BACH2: variants seen among roughly 807,000 people sequenced by gnomAD.
BACH2 encodes transcription regulator protein BACH2.
In BACH2, 5 loss-of-function variants were observed where a neutral mutation model predicts 61.8. The ratio of observed to expected loss-of-function variants is 0.08; its 90% confidence interval spans 0.04 to 0.17. The LOEUF is 0.17. Ranked by LOEUF, BACH2 falls within the 10% of genes least tolerant of loss-of-function variation. The pLI, the probability that BACH2 is intolerant of heterozygous loss-of-function variation, is 1.00. For synonymous variants in BACH2, 446 were observed against 440.1 expected (o/e 1.01, Z -0.17); for missense variants, 824 against 1,091.1 (o/e 0.76, Z 3.45).
chr6:90,015,545 GT>G (rs1778014600), intron 5 of BACH2, among the ~76,000 whole-genome samples: 1 of 152,086 alleles, frequency 6.6e-6, no homozygotes, highest in African/African-American at 2.4e-5. Flanking sequence ...TTACACACGT[GT>G]TTTTTGGCTT....
At chr6:90,028,898 C>T (rs942252743) in intron 5 of BACH2, among the ~76,000 whole-genome samples, 10 of 152,220 alleles carry the variant, frequency 6.6e-5, no homozygotes, top group African/African-American at 1.9e-4. Flanking sequence ...ATAAAGGGCA[C>T]CTATCTCATA....
chr6:89,934,681 G>A (rs1012033200), intron 8 of BACH2, among the ~76,000 whole-genome samples: 6 of 151,950 alleles, frequency 3.9e-5, no homozygotes, highest in African/African-American at 7.3e-5. Context: ...AAAAAATTGC[G>A]TGAGGGTGAG....
chr6:89,949,967 G>T (rs1221723501), intron 7 of BACH2: 4 of 436,740 alleles, frequency 9.2e-6, no homozygotes, highest in African/African-American at 8.1e-5. Context: ...GAGAAAGAGG[G>T]GGGTCTGGAG....
At chr6:90,276,199 C>G (rs983294041) in intron 1 of BACH2, among the ~76,000 whole-genome samples, 2 of 152,152 alleles carry the variant, frequency 1.3e-5, no homozygotes, top group African/African-American at 4.8e-5. Flanking sequence ...ATATTTCCTA[C>G]TCTGAAATAA....
At chr6:89,940,834 T>A (rs778907406) in intron 7 of BACH2, among the ~76,000 whole-genome samples, 2 of 148,680 alleles carry the variant, frequency 1.3e-5, no homozygotes, top group African/African-American at 2.5e-5. Flanking sequence ...AATATAATTA[T>A]TAATGAGATA....
intron 6 of BACH2, among the ~76,000 whole-genome samples, chr6:89,968,229 A>G (rs962671038): frequency 2.6e-5 from 4 of 152,066 alleles, no homozygotes; most frequent in Admixed American, 2.6e-4. Flanking sequence ...ATTAAACTGG[A>G]CCCTCCCTTC....
chr6:90,043,220 C>T (rs75343545), intron 5 of BACH2, among the ~76,000 whole-genome samples: 3,007 of 152,152 alleles, frequency 0.02, 41 homozygotes, highest in Non-Finnish European at 0.029. Flanking sequence ...AATGTGTCCC[C>T]CAAAAGTTCA....
intron 4 of BACH2, among the ~76,000 whole-genome samples, chr6:90,190,525 CCCTTA>C (rs1446505608): frequency 6.6e-6 from 1 of 152,204 alleles, no homozygotes; most frequent in Non-Finnish European, 1.5e-5. Flanking sequence ...CTCCAAGTTT[CCCTTA>C]CATGTCACAC....
chr6:90,228,662 C>A (rs1177126868), intron 3 of BACH2, among the ~76,000 whole-genome samples: 1 of 152,122 alleles, frequency 6.6e-6, no homozygotes, highest in Non-Finnish European at 1.5e-5. Flanking sequence ...TTGCTTGAAC[C>A]CAGGAGGTGG....
chr6:90,031,382 G>C (rs1042277689), intron 5 of BACH2, among the ~76,000 whole-genome samples: 14 of 152,102 alleles, frequency 9.2e-5, no homozygotes, highest in African/African-American at 3.4e-4. Context: ...GGAAATAAAG[G>C]GTATTCAATT....
At chr6:90,283,513 C>CT (rs886142284) in intron 1 of BACH2, among the ~76,000 whole-genome samples, 2 of 151,864 alleles carry the variant, frequency 1.3e-5, no homozygotes, top group African/African-American at 4.8e-5. Context: ...GCAGCTGGGA[C>CT]TACAGGTGCC....
intron 6 of BACH2, among the ~76,000 whole-genome samples, chr6:90,004,799 A>C (rs756400984): frequency 2.0e-5 from 3 of 152,196 alleles, no homozygotes; most frequent in Non-Finnish European, 2.9e-5. Flanking sequence ...CTTTCTCTTC[A>C]TCTCTTAGCA....
At position 90,014,762 on chromosome 6, in the gene BACH2, C is replaced by T. The variant is rs560309336; in HGVS notation, c.-12-5906G>A. Among the ~76,000 whole-genome samples the T allele has an allele frequency of 2.7e-3, 411 of 151,388 alleles. 3 individuals carry two copies. Among genetic ancestry groups the T allele is most frequent in the African/African-American group, 9.1e-3 (377 of 41,290 alleles). ...TCTTGGGATTACAGGCGTCAGCTAC[C>T]GCCCCTGGCCTTTTTATTTTTTTTA... On this transcript the variant is annotated intron_variant, in intron 5 of 8. Transcript: ENST00000257749.
intron 2 of BACH2, among the ~76,000 whole-genome samples, chr6:90,268,312 TG>T (rs1771411590): frequency 6.6e-6 from 1 of 152,188 alleles, no homozygotes; most frequent in African/African-American, 2.4e-5. Context: ...GAACTGCACT[TG>T]CCTTTTATAC....
intron 3 of BACH2, among the ~76,000 whole-genome samples, chr6:90,237,755 T>C (rs1159784615): frequency 6.6e-6 from 1 of 152,234 alleles, no homozygotes; most frequent in Non-Finnish European, 1.5e-5. Context: ...TTTCATTGTA[T>C]TTGCAGCACA....
intron 4 of BACH2, among the ~76,000 whole-genome samples, chr6:90,151,067 A>C (rs188826986): frequency 9.8e-5 from 15 of 152,318 alleles, no homozygotes; most frequent in Admixed American, 7.8e-4. Context: ...TTGTCACTCT[A>C]TGGCAACAGA....
chr6:90,185,348 T>C (rs1351169242), intron 4 of BACH2, among the ~76,000 whole-genome samples: 1 of 152,174 alleles, frequency 6.6e-6, no homozygotes, highest in Non-Finnish European at 1.5e-5. Context: ...TATCCTAATA[T>C]TATAAAATCA....
At chr6:89,956,807 G>A (rs1774451371) in intron 6 of BACH2, among the ~76,000 whole-genome samples, 1 of 152,136 alleles carries the variant, frequency 6.6e-6, no homozygotes, top group Non-Finnish European at 1.5e-5. Context: ...CTCTATATAA[G>A]CTACATGACT....
chr6:90,161,121 A>G (rs191640517), intron 4 of BACH2, among the ~76,000 whole-genome samples: 2 of 152,140 alleles, frequency 1.3e-5, no homozygotes, highest in East Asian at 3.9e-4. Context: ...TTGCCCTTAA[A>G]GAAGCCAAAT....
Sources: allele counts gnomAD v4.1 joint callset (sites outside exome capture counted in the v4.1 genomes callset), GRCh38; gene constraint gnomAD v4.1.1; transcripts MANE v1.5; gene names NCBI Gene and HGNC (gene_info 2026-07-23, HGNC 2026-07-21).